Variants in RPTOR observed in about 807,000 individuals in gnomAD.
The protein encoded by RPTOR is regulatory associated protein of MTOR complex 1.
A neutral mutation model predicts 169.9 loss-of-function variants in RPTOR; 21 were observed. The observed-to-expected ratio is 0.12, with a 90% CI of 0.09 to 0.18. RPTOR has a LOEUF of 0.18. RPTOR is among the 10% of genes least tolerant of loss of function. RPTOR has a pLI of 1.00. For synonymous variants in RPTOR, 732 were observed against 753.2 expected, an observed-to-expected ratio of 0.97 and a Z score of 0.46; for missense variants, 1,133 against 1,855.9, an observed-to-expected ratio of 0.61 and a Z score of 7.16.
chr17:80,689,344 A>G (rs1598224266), intron 3 of RPTOR, among the ~76,000 whole-genome samples: 1 of 152,224 alleles, frequency 6.6e-6, no homozygotes, highest in African/African-American at 2.4e-5. Flanking sequence ...CCCCGTGGGA[A>G]GAGTTCTAGG....
rs954315471 is a variant in RPTOR, at chr17:80,562,345, C to T, written c.162+16554C>T. On this transcript the variant is annotated intron_variant, in intron 1 of 33. Transcript: ENST00000306801. This position sits in a 1 kb window ranked among gnomAD's most constrained non-coding sequence, Gnocchi z 4.4. ...CCTAAAACGATCGCTGATCTTGTGCCCCTCAGTGTGTGGCCTTCGTTTACC... is the reference window on the plus strand; with the variant it reads ...CCTAAAACGATCGCTGATCTTGTGCTCCTCAGTGTGTGGCCTTCGTTTACC... Among the ~76,000 whole-genome samples, 1 of 152,158 alleles carries T rather than the reference C, an allele frequency of 6.6e-6. No homozygotes were observed. The highest frequency in any genetic ancestry group is 1.9e-4 in the East Asian group (1 of 5,200).
At chr17:80,964,230 A>T in intron 33 of RPTOR, 32 bp from the exon 34 acceptor site, 1 of 1,514,396 alleles carries the variant, frequency 6.6e-7, no homozygotes. Context: ...CCCGCACCTG[A>T]ACCCCTGCTC....
intron 1 of RPTOR, among the ~76,000 whole-genome samples, chr17:80,586,143 T>C (rs1326112804): frequency 1.3e-5 from 2 of 152,194 alleles, no homozygotes; most frequent in Non-Finnish European, 2.9e-5. Flanking sequence ...GTTTCTGGCA[T>C]AGATTTAATT....
At position 80,601,993 on chromosome 17, in the gene RPTOR, C is replaced by T. The variant is rs1354887483; in HGVS notation, c.163-23698C>T. ...TTTCTACACAGACACGGCAACCATC[C>T]GATTTCTCAATCTTTTCCCCACCTT... On this transcript the variant is annotated intron_variant, in intron 1 of 33. Transcript: ENST00000306801. 8.6e-4 allele frequency among the ~76,000 whole-genome samples: 23 copies of T among 26,674 alleles called. 7 individuals carry two copies. Among genetic ancestry groups the T allele is most frequent in the Non-Finnish European group, 1.7e-3 (22 of 12,844 alleles). 17.5% of individuals were successfully genotyped at this position (26,674 alleles called of 152,430 possible).
In RPTOR at chr17:80,844,170, A is replaced by T. The variant is rs920336812; in HGVS notation, c.1213-2303A>T. On this transcript the variant is annotated intron_variant, in intron 10 of 33. Transcript: ENST00000306801. The surrounding 1 kb of genome is among the most constrained non-coding windows in gnomAD (Gnocchi z 4.7). ...CTCTCGAGATGTTTTCCGGAATATC[A>T]TATAAAGTGTTGGCCACTCTTCCGC... Among the ~76,000 whole-genome samples the T allele has an allele frequency of 1.3e-5, 2 of 152,178 alleles. No individual in the cohort carries two copies. The highest frequency in any genetic ancestry group is 4.8e-5 in the African/African-American group (2 of 41,444).
chr17:80,660,137 G>A (rs1321274868), intron 3 of RPTOR, among the ~76,000 whole-genome samples: 4 of 152,062 alleles, frequency 2.6e-5, no homozygotes, highest in Non-Finnish European at 5.9e-5. Flanking sequence ...TGGGCATGGT[G>A]GTGGGCGCCT....
chr17:80,663,161 G>C (rs1002043080), intron 3 of RPTOR, among the ~76,000 whole-genome samples: 3 of 152,156 alleles, frequency 2.0e-5, no homozygotes, highest in African/African-American at 7.2e-5. Context: ...GGGTGTCCCG[G>C]AGCCTGCACA....
chr17:80,636,722 C>T (rs1338071468), intron 2 of RPTOR, among the ~76,000 whole-genome samples: 1 of 152,092 alleles, frequency 6.6e-6, no homozygotes, highest in Non-Finnish European at 1.5e-5. Flanking sequence ...CACACCCCCG[C>T]AACACGCCCC....
intron 4 of RPTOR, among the ~76,000 whole-genome samples, chr17:80,711,233 T>G (rs1277948504): frequency 6.6e-6 from 1 of 152,228 alleles, no homozygotes; most frequent in Non-Finnish European, 1.5e-5. Context: ...TCTTGTTGAT[T>G]ATTCCTGTGA....
chr17:80,790,948 A>G (rs2067041501), intron 6 of RPTOR, among the ~76,000 whole-genome samples: 1 of 152,184 alleles, frequency 6.6e-6, no homozygotes, highest in South Asian at 2.1e-4. Context: ...ACGCGCTCCT[A>G]AGGATGGACC....
chr17:80,893,441 T>TGTGCC (rs1430491228), intron 19 of RPTOR, among the ~76,000 whole-genome samples: 19 of 140,594 alleles, frequency 1.4e-4, no homozygotes, highest in African/African-American at 5.2e-4. Context: ...AGGGTGTGTG[T>TGTGCC]ACTGGGTGTG....
At chr17:80,645,123 G>A (rs530477091) in intron 3 of RPTOR, among the ~76,000 whole-genome samples, 1 of 152,162 alleles carries the variant, frequency 6.6e-6, no homozygotes, top group Non-Finnish European at 1.5e-5. Flanking sequence ...AAATGTAGTT[G>A]AGATGCCTCG....
At chr17:80,933,916 C>A (rs767685531) in intron 24 of RPTOR, among the ~76,000 whole-genome samples, 9 of 152,200 alleles carry the variant, frequency 5.9e-5, no homozygotes, top group Non-Finnish European at 1.2e-4. Flanking sequence ...CTGAATAGTT[C>A]CTGTCTATTA....
intron 3 of RPTOR, among the ~76,000 whole-genome samples, chr17:80,663,526 A>G (rs2065740467): frequency 1.3e-5 from 2 of 152,172 alleles, no homozygotes; most frequent in African/African-American, 4.8e-5. Context: ...TGAATGAATT[A>G]TTAGGTGAGA....
chr17:80,568,681 A>G (rs141846077), intron 1 of RPTOR, among the ~76,000 whole-genome samples: 15 of 152,006 alleles, frequency 9.9e-5, no homozygotes, highest in African/African-American at 3.6e-4. Context: ...TTCCTCCTCA[A>G]TCTTCCAGAG....
chr17:80,905,803 C>T (rs1246871429), intron 20 of RPTOR, among the ~76,000 whole-genome samples: 3 of 152,138 alleles, frequency 2.0e-5, no homozygotes, highest in Non-Finnish European at 2.9e-5. Context: ...CTGCCAGGGC[C>T]GCCGGGAGTG....
At chr17:80,693,903 A>G (rs2066013955) in intron 3 of RPTOR, among the ~76,000 whole-genome samples, 1 of 152,218 alleles carries the variant, frequency 6.6e-6, no homozygotes, top group South Asian at 2.1e-4. Flanking sequence ...AGAGCCCGGC[A>G]TGGTCCGGAG....
At chr17:80,725,530 T>G (rs2066324590) in intron 4 of RPTOR, among the ~76,000 whole-genome samples, 1 of 152,140 alleles carries the variant, frequency 6.6e-6, no homozygotes, top group African/African-American at 2.4e-5. Flanking sequence ...GGCTTTTCAA[T>G]TCTGGGCTGG....
intron 9 of RPTOR, among the ~76,000 whole-genome samples, chr17:80,837,120 C>T (rs1200508793): frequency 6.6e-6 from 1 of 152,080 alleles, no homozygotes; most frequent in African/African-American, 2.4e-5. Context: ...AGGAGAAAGC[C>T]TCATAATGTC....
Sources: gnomAD v4.1 joint callset for allele counts (sites outside exome capture counted in the v4.1 genomes callset) on GRCh38, gnomAD v4.1.1 for gene constraint, Gnocchi (gnomAD v3.1) non-coding constraint, MANE v1.5 for transcripts, NCBI Gene and HGNC (gene_info 2026-07-23, HGNC 2026-07-21) for gene names.